GPR35: variants seen among roughly 807,000 people sequenced by gnomAD.
GPR35 encodes KYNA receptor.
For missense variants in GPR35, 372 were observed against 422.5 expected (o/e 0.88, Z 1.05); for synonymous variants, 207 against 198.4 (o/e 1.04, Z -0.36).
Position 240,630,839 on chromosome 2 carries a change from A to T in GPR35, c.887A>T (p.Lys296Met), listed in dbSNP as rs781278313. Reference protein sequence around the residue: ...ASALAVAPSAKAHKSQDSLCV... With the variant: ...ASALAVAPSAMAHKSQDSLCV... ...GCACTGGCCGTGGCTCCCAGTGCTA[A>T]GGCCCACAAAAGCCAGGACTCTCTG... Residue 296 changes from lysine to methionine, a missense_variant, in exon 2 of 2, where the codon AAG (lysine) becomes ATG (methionine). Transcript: ENST00000407714. 1 of 1,613,014 alleles carries T rather than the reference A, an allele frequency of 6.2e-7. No homozygotes were observed. The highest frequency in any genetic ancestry group is 1.7e-5 in the Admixed American group (1 of 60,026).
In GPR35 at chr2:240,630,369, C is replaced by T; in HGVS notation, c.417C>T (p.Val139=). The T allele has an allele frequency of 6.2e-7, 1 of 1,609,300 alleles. No homozygotes were observed. The highest frequency in any genetic ancestry group is 8.5e-7 in the Non-Finnish European group (1 of 1,179,780). ...SPRQAAAVCA[V]LWVLVIGSLV... The stretch of plus-strand genomic sequence containing the variant: ...GGCAGGCTGCGGCCGTGTGCGCGGT[C>T]CTCTGGGTGCTGGTCATCGGCTCCC... The change falls in exon 2 of 2, where the codon GTC becomes GTT. Residue 139 remains valine, a synonymous_variant. Coordinates refer to ENST00000407714, the MANE Select transcript of GPR35 (RefSeq NM_005301.5).
chr2:240,622,547 G>A (rs777760338), upstream of GPR35, among the ~76,000 whole-genome samples: 7 of 152,236 alleles, frequency 4.6e-5, no homozygotes, highest in African/African-American at 1.4e-4. Context: ...AGGTCTCTGC[G>A]TAAATCTCAT....
rs1218026120 is a variant in GPR35 at position 240,632,618 on chromosome 2, C to T, written c.*1736C>T. On this transcript the variant is annotated 3_prime_UTR_variant, in exon 2 of 2. Coordinates refer to ENST00000407714, the MANE Select transcript of GPR35 (RefSeq NM_005301.5). Reference sequence around the variant, plus strand: ...TAGGAGGGCCCATACACAACAGAGCCCTGTGCCCAGGAAGGACCATGTCAA... The same window carrying T: ...TAGGAGGGCCCATACACAACAGAGCTCTGTGCCCAGGAAGGACCATGTCAA... Among the ~76,000 whole-genome samples the T allele has an allele frequency of 6.7e-6, 1 of 149,966 alleles. No homozygotes were observed. Among genetic ancestry groups the T allele is most frequent in the Non-Finnish European group, 1.5e-5 (1 of 67,556 alleles).
At position 240,630,197 on chromosome 2, in the gene GPR35, A is replaced by T; in HGVS notation, c.245A>T (p.Asp82Val). The T allele has an allele frequency of 6.3e-7, 1 of 1,579,248 alleles. No homozygotes were observed. Among genetic ancestry groups the T allele is most frequent in the South Asian group, 1.1e-5 (1 of 89,474 alleles). The change falls in exon 2 of 2, where the codon GAC becomes GTC. Residue 82 changes from aspartate to valine, a missense_variant. Physicochemically the swap from Asp to Val is radical, Grantham distance 152 (BLOSUM62 -3). Transcript: ENST00000407714. The part of the protein sequence containing the change: ...TLPFVLHSLR[D>V]TSDTPLCQLS... ...CCCTTCGTGCTGCACTCCCTGCGAG[A>T]CACCTCAGACACGCCGCTGTGCCAG...
upstream of GPR35, among the ~76,000 whole-genome samples, chr2:240,624,012 G>T (rs76085384): frequency 0.043 from 6,467 of 151,456 alleles, 530 homozygotes; most frequent in East Asian, 0.21. Context: ...CTGGTGGTGG[G>T]GGGGGTGGGG....
intron 3 of GPR35, chr2:240,616,855 G>A (rs1322467610): frequency 1.8e-5 from 13 of 714,802 alleles, no homozygotes; most frequent in Admixed American, 6.0e-5. Flanking sequence ...GGGGTAGCCA[G>A]ATGCCATGCT....
chr2:240,620,673 G>A (rs1217018542), upstream of GPR35, among the ~76,000 whole-genome samples: 1 of 152,128 alleles, frequency 6.6e-6, no homozygotes, highest in East Asian at 1.9e-4. Flanking sequence ...ACCCCCTGTG[G>A]GGATGGGGCC....
intron 1 of GPR35, chr2:240,628,421 G>C (rs535571930): frequency 6.6e-6 from 1 of 152,354 alleles, no homozygotes; most frequent in South Asian, 2.1e-4. Flanking sequence ...TTGCACTCGG[G>C]GGAAGGGCTC....
upstream of GPR35, among the ~76,000 whole-genome samples, chr2:240,621,221 G>A (rs1304401829): frequency 1.3e-5 from 2 of 152,172 alleles, no homozygotes; most frequent in Non-Finnish European, 2.9e-5. Context: ...CAGTCATAAA[G>A]ATAAACCGTA....
chr2:240,608,147 C>T (rs1405074991), intron 2 of GPR35, among the ~76,000 whole-genome samples: 1 of 152,180 alleles, frequency 6.6e-6, no homozygotes, highest in Non-Finnish European at 1.5e-5. Flanking sequence ...TCACTTCAGC[C>T]TCCCCACATG....
intron 5 of GPR35, among the ~76,000 whole-genome samples, chr2:240,620,282 G>T (rs2043278672): frequency 6.6e-6 from 1 of 152,166 alleles, no homozygotes; most frequent in South Asian, 2.1e-4. Context: ...AGCCTCTTCT[G>T]GCCTTTGGTG....
chr2:240,612,687 G>A (rs1395592834), intron 2 of GPR35, among the ~76,000 whole-genome samples: 1 of 152,246 alleles, frequency 6.6e-6, no homozygotes, highest in Non-Finnish European at 1.5e-5. Flanking sequence ...TGCAAGACTG[G>A]CCTGAGCCGC....
At chr2:240,621,401 C>T (rs762298884), upstream of GPR35, among the ~76,000 whole-genome samples, 11 of 152,030 alleles carry the variant, frequency 7.2e-5, no homozygotes, top group Admixed American at 3.9e-4. Context: ...ACTACAGGCA[C>T]GCGCCACCAC....
At chr2:240,625,024 G>A (rs941051799), upstream of GPR35, among the ~76,000 whole-genome samples, 1 of 152,098 alleles carries the variant, frequency 6.6e-6, no homozygotes, top group Admixed American at 6.5e-5. Flanking sequence ...AGGCGCCCAC[G>A]GAGCGTGTCT....
intron 2 of GPR35, among the ~76,000 whole-genome samples, chr2:240,611,408 T>G (rs1180831297): frequency 6.6e-6 from 1 of 152,234 alleles, no homozygotes; most frequent in Non-Finnish European, 1.5e-5. Context: ...CCCTCCTCTT[T>G]TTCTGCCTTC....
At chr2:240,615,502 C>A (rs888109815) in intron 2 of GPR35, among the ~76,000 whole-genome samples, 2 of 152,184 alleles carry the variant, frequency 1.3e-5, no homozygotes, top group African/African-American at 4.8e-5. Context: ...TGGAAATGTT[C>A]AGACTGAAAT....
chr2:240,626,047 G>A (rs1308402914), intron 1 of GPR35, among the ~76,000 whole-genome samples: 6 of 70,756 alleles, frequency 8.5e-5, no homozygotes, highest in African/African-American at 1.5e-4. Context: ...TCTCAGAGTG[G>A]GGTGAGGCTG....
upstream of GPR35, among the ~76,000 whole-genome samples, chr2:240,623,001 G>A (rs1365303650): frequency 2.6e-5 from 4 of 152,238 alleles, no homozygotes; most frequent in Non-Finnish European, 2.9e-5. Flanking sequence ...TCGAACCTGG[G>A]GACTCCGGGT....
At chr2:240,611,777 G>A (rs768672500) in intron 2 of GPR35, among the ~76,000 whole-genome samples, 8 of 152,210 alleles carry the variant, frequency 5.3e-5, no homozygotes, top group Non-Finnish European at 1.0e-4. Context: ...AGAGCTCAGG[G>A]CAGTGTCCGG....
Sources: allele counts gnomAD v4.1 joint callset (sites outside exome capture counted in the v4.1 genomes callset), GRCh38; gene constraint gnomAD v4.1.1; transcripts MANE v1.5; gene names NCBI Gene and HGNC (gene_info 2026-07-23, HGNC 2026-07-21).